PPP1R12A: variants seen among roughly 807,000 people sequenced by gnomAD.
PPP1R12A encodes protein phosphatase 1 regulatory subunit 12A, also known as myosin binding subunit.
A neutral mutation model predicts 139.6 loss-of-function variants in PPP1R12A; 19 were observed. The observed-to-expected ratio is 0.14, with a 90% CI of 0.09 to 0.20. The LOEUF is 0.20. Ranked by LOEUF, PPP1R12A falls within the 10% of genes least tolerant of loss-of-function variation. The pLI is 1.00. For synonymous variants in PPP1R12A, 427 were observed against 420.6 expected, an observed-to-expected ratio of 1.02 and a Z score of -0.19; for missense variants, 925 against 1,211.5, an observed-to-expected ratio of 0.76 and a Z score of 3.51.
chr12:79,857,503 T>C (rs1217885249), intron 2 of PPP1R12A, among the ~76,000 whole-genome samples: 3 of 151,680 alleles, frequency 2.0e-5, no homozygotes, highest in African/African-American at 7.3e-5. Context: ...TAATGAAGAG[T>C]TAATGCATGT....
rs1416516240 is a variant in PPP1R12A at position 79,839,845 on chromosome 12, T to G, written c.487+5457A>C. 4.6e-5 allele frequency among the ~76,000 whole-genome samples: 7 copies of G among 152,320 alleles called. No homozygotes were observed. In the South Asian group the frequency reaches 1.2e-3, roughly 27 times the overall value. On this transcript the variant is annotated intron_variant, in intron 3 of 24. Transcript: ENST00000450142. ...CAATTAAACCTCTTTCCTTTACAAA[T>G]TACCCAGTCTTGGGTATTTCTTCAT...
chr12:79,840,795 A>G (rs1878612505), intron 3 of PPP1R12A, among the ~76,000 whole-genome samples: 1 of 152,098 alleles, frequency 6.6e-6, no homozygotes, highest in East Asian at 1.9e-4. Flanking sequence ...CCTACATTCT[A>G]TTTCATCCTC....
chr12:79,780,639 C>T (rs1346782995), intron 23 of PPP1R12A: 3 of 151,972 alleles, frequency 2.0e-5, no homozygotes, highest in Admixed American at 6.6e-5. Flanking sequence ...GTTTGTTATC[C>T]ATGCCTTTCA....
In PPP1R12A at chr12:79,806,330, G is replaced by A. The variant is rs961687158; in HGVS notation, c.1659C>T (p.Cys553=). 3.1e-6 allele frequency: 5 copies of A among 1,612,682 alleles called. No homozygotes were observed. Among genetic ancestry groups the A allele is most frequent in the Non-Finnish European group, 3.4e-6 (4 of 1,178,904 alleles). ...AATCATCTTGTCTTCTACCAAAGGA[G>A]CAACTAAACAAAAGAGTCATATCTA... ...VNEGSTYHKS[C]SFGRRQDDLI... The change falls in exon 13 of 25, where the codon TGC becomes TGT. Residue 553 remains cysteine, a synonymous_variant. Coordinates refer to ENST00000450142, the MANE Select transcript of PPP1R12A (RefSeq NM_002480.3).
intron 13 of PPP1R12A, 126 bp from the exon 14 acceptor site, chr12:79,805,894 T>C: frequency 9.1e-7 from 1 of 1,093,646 alleles, no homozygotes; most frequent in Non-Finnish European, 1.3e-6. Context: ...AGGTGAGACA[T>C]CCTTAAATTA....
intron 2 of PPP1R12A, among the ~76,000 whole-genome samples, chr12:79,864,741 C>T (rs1173336634): frequency 6.6e-6 from 1 of 152,100 alleles, no homozygotes; most frequent in African/African-American, 2.4e-5. Flanking sequence ...ATAAATTCCT[C>T]GACACATACA....
At position 79,800,386 on chromosome 12, in the gene PPP1R12A, A is replaced by T. The variant is rs376430041; in HGVS notation, c.2001-1802T>A. 5.4e-3 allele frequency among the ~76,000 whole-genome samples: 796 copies of T among 147,632 alleles called. 5 individuals are homozygous for T. Among genetic ancestry groups the T allele is most frequent in the African/African-American group, 0.02 (756 of 37,136 alleles). The stretch of plus-strand genomic sequence containing the variant: ...TTCCACTTAATGAGTAGTAAATACA[A>T]TTTTCTTCCTTATGATTATCTTAAT... On this transcript the variant is annotated intron_variant, in intron 14 of 24. Transcript: ENST00000450142.
chr12:79,809,214 T>C (rs572996602), intron 10 of PPP1R12A, among the ~76,000 whole-genome samples: 3 of 152,048 alleles, frequency 2.0e-5, no homozygotes, highest in African/African-American at 4.8e-5. Context: ...TTTCTAAGTA[T>C]AGAAAGAAAA....
chr12:79,850,122 T>G (rs1879873432), intron 2 of PPP1R12A, among the ~76,000 whole-genome samples: 1 of 152,204 alleles, frequency 6.6e-6, no homozygotes, highest in Non-Finnish European at 1.5e-5. Flanking sequence ...ATTAAATTCT[T>G]AACAAATTGT....
In PPP1R12A at chr12:79,786,482, TA is replaced by T. The variant is rs1565737651; in HGVS notation, c.2803-5del. ...CAGCTAGAATTTGTTCATAAAGCTA[TA>T]AAAATTAGGGTAAAAGAACAAATTA... On this transcript the variant is annotated splice_polypyrimidine_tract_variant and splice_region_variant and intron_variant, in intron 21 of 24. Transcript: ENST00000450142. The T allele has an allele frequency of 6.6e-7, 1 of 1,516,906 alleles. No homozygotes were observed. The highest frequency in any genetic ancestry group is 8.9e-7 in the Non-Finnish European group (1 of 1,127,154). 94.0% of individuals were successfully genotyped at this position (1,516,906 alleles called of 1,614,324 possible). A position where few individuals can be genotyped will look rare whatever the true frequency, so the allele number is the denominator to read the frequency against.
Position 79,774,435 on chromosome 12 carries a change from ACAAT to A in PPP1R12A, c.*1490_*1493del, listed in dbSNP as rs1375797597. On this transcript the variant is annotated 3_prime_UTR_variant, in exon 25 of 25. Coordinates refer to ENST00000450142, the MANE Select transcript of PPP1R12A (RefSeq NM_002480.3). Reference sequence around the variant, plus strand: ...ATTCACATTTAATATAGTATACAATACAATCAATAATACAATCAGCTACTATAAG... The same window carrying A: ...ATTCACATTTAATATAGTATACAATACAATAATACAATCAGCTACTATAAG... The A allele has an allele frequency of 6.5e-6, 1 of 152,712 alleles. No individual in the cohort carries two copies. Among genetic ancestry groups the A allele is most frequent in the Non-Finnish European group, 1.5e-5 (1 of 67,982 alleles). The allele number at this position is 152,712 out of a possible 1,614,324, so 9.5% of individuals were successfully genotyped here.
chr12:79,787,989 T>C (rs1871329152), intron 21 of PPP1R12A: 1 of 152,244 alleles, frequency 6.6e-6, no homozygotes, highest in Admixed American at 6.5e-5. Context: ...CATTTACCCA[T>C]GAGTAGAATC....
At chr12:79,874,932 C>G (rs930687154) in intron 1 of PPP1R12A, among the ~76,000 whole-genome samples, 1 of 152,158 alleles carries the variant, frequency 6.6e-6, no homozygotes, top group Non-Finnish European at 1.5e-5. Context: ...GAATGCTCTG[C>G]CCCCAGATCT....
At chr12:79,934,562 C>A in intron 1 of PPP1R12A, 133 bp downstream of exon 1, 1 of 865,078 alleles carries the variant, frequency 1.2e-6, no homozygotes, top group Non-Finnish European at 1.7e-6. Context: ...TCTGGGGAAA[C>A]CGCCCCCTCA....
intron 1 of PPP1R12A, among the ~76,000 whole-genome samples, chr12:79,901,580 A>G (rs560980792): frequency 6.6e-6 from 1 of 152,196 alleles, no homozygotes; most frequent in African/African-American, 2.4e-5. Context: ...CACAATAATC[A>G]TAACAGCTAT....
rs779058542 is a variant in PPP1R12A, at chr12:79,808,524, T to A, written c.1509A>T (p.Arg503Ser). Residue 503 changes from arginine (R) to serine (S), a missense_variant, in exon 11 of 25, where the codon AGA becomes AGT. This residue lies in a region of PPP1R12A where 403 missense variants were observed against 463.7 expected (regional missense o/e 0.87). Transcript: ENST00000450142. ...CAATGTCAGATGTACTGGCTAGTCGTCTTGGTATTGTAGGTGCAACATATG... is the reference window on the plus strand; with the variant it reads ...CAATGTCAGATGTACTGGCTAGTCGACTTGGTATTGTAGGTGCAACATATG... ...RLAYVAPTIP[R>S]RLASTSDIEE... 6.2e-7 allele frequency: 1 copy of A among 1,610,276 alleles called. No homozygotes were observed. Among genetic ancestry groups the A allele is most frequent in the South Asian group, 1.1e-5 (1 of 90,584 alleles).
chr12:79,812,958 T>C (rs1042323095), intron 9 of PPP1R12A, among the ~76,000 whole-genome samples: 1 of 152,178 alleles, frequency 6.6e-6, no homozygotes. Flanking sequence ...ATTCTTATCA[T>C]TGTGGGCAAC....
chr12:79,796,817 G>A lies in PPP1R12A; in HGVS notation c.2426C>T (p.Ala809Val), dbSNP rs931606172. The A allele has an allele frequency of 1.3e-5, 21 of 1,611,168 alleles. No individual in the cohort carries two copies. Among genetic ancestry groups the A allele is most frequent in the Non-Finnish European group, 1.8e-5 (21 of 1,177,972 alleles). Reference sequence around the variant, plus strand: ...TTCTTTTGTTATTCCTCTGGAGTAAGCAGAAGTTATGCCTACAAGACTATT... The same window carrying A: ...TTCTTTTGTTATTCCTCTGGAGTAAACAGAAGTTATGCCTACAAGACTATT... ...RPNSLVGITS[A>V]YSRGITKENE... Residue 809 changes from alanine (A) to valine (V), a missense_variant, in exon 17 of 25, where the codon GCT becomes GTT. Coordinates refer to ENST00000450142, the MANE Select transcript of PPP1R12A (RefSeq NM_002480.3).
At chr12:79,934,610 A>G (rs1888529933) in intron 1 of PPP1R12A, 85 bp downstream of exon 1, 2 of 1,221,666 alleles carry the variant, frequency 1.6e-6, no homozygotes, top group Non-Finnish European at 2.2e-6. Context: ...CCCAGCCTCA[A>G]GAGGTGGAGA....
Sources: allele counts gnomAD v4.1 joint callset (sites outside exome capture counted in the v4.1 genomes callset), GRCh38; gene constraint gnomAD v4.1.1; regional missense constraint gnomAD v4.1.1; transcripts MANE v1.5; gene names NCBI Gene and HGNC (gene_info 2026-07-23, HGNC 2026-07-21).